The following NSUN3 variants were observed in gnomAD, a reference collection of about 807,000 sequenced individuals.
NSUN3 encodes tRNA (cytosine(34)-C(5))-methyltransferase, mitochondrial.
NSUN3 carries 24 observed loss-of-function variants against 36.8 expected under a neutral mutation model. That is an observed-to-expected ratio of 0.65 (90% CI 0.47 to 0.92). NSUN3 has a LOEUF of 0.92. Ranked by LOEUF, NSUN3 falls within the 40% of genes least tolerant of loss-of-function variation. The probability of loss-of-function intolerance (pLI) is 0.00; values close to 1 mark genes in which losing one functional copy is unlikely to be tolerated. For missense variants in NSUN3, 381 were observed against 392.8 expected, an observed-to-expected ratio of 0.97 and a Z score of 0.25; for synonymous variants, 146 against 145.2, an observed-to-expected ratio of 1.01 and a Z score of -0.04.
intron 5 of NSUN3, among the ~76,000 whole-genome samples, chr3:94,108,000 G>A (rs1442776663): frequency 1.1e-4 from 9 of 82,526 alleles, no homozygotes; most frequent in African/African-American, 3.6e-4. Context: ...TTCAGATAAA[G>A]CCTCTGGCCT....
At chr3:94,097,785 A>G (rs1432210840) in intron 5 of NSUN3, among the ~76,000 whole-genome samples, 2 of 152,086 alleles carry the variant, frequency 1.3e-5, no homozygotes, top group African/African-American at 2.4e-5. Context: ...TGCCTTCTTC[A>G]TATATTATTT....
intron 2 of NSUN3, chr3:94,076,688 A>C: frequency 8.1e-7 from 1 of 1,236,410 alleles, no homozygotes; most frequent in Non-Finnish European, 1.2e-6. Context: ...GTCTCCAGAA[A>C]GATCTGGTTT....
At chr3:94,105,068 T>G (rs1255674114) in intron 5 of NSUN3, among the ~76,000 whole-genome samples, 1 of 152,202 alleles carries the variant, frequency 6.6e-6, no homozygotes, top group Non-Finnish European at 1.5e-5. Flanking sequence ...CATAAATTCT[T>G]CTAGTTTAAA....
chr3:94,092,026 A>G (rs1000277127), intron 3 of NSUN3, among the ~76,000 whole-genome samples: 1 of 152,210 alleles, frequency 6.6e-6, no homozygotes, highest in Non-Finnish European at 1.5e-5. Context: ...AATGAGTGCC[A>G]GGTGACAAGC....
chr3:94,071,220 C>T (rs2107236468), intron 2 of NSUN3, among the ~76,000 whole-genome samples: 1 of 152,150 alleles, frequency 6.6e-6, no homozygotes, highest in African/African-American at 2.4e-5. Context: ...TATTATTGAT[C>T]CCTGAATCCA....
At position 94,066,320 on chromosome 3, in the gene NSUN3, A is replaced by G. The variant is rs1215871400; in HGVS notation, c.122+1774A>G. On this transcript the variant is annotated intron_variant, in intron 2 of 5. Transcript: ENST00000314622. ...ACTAAATTTGCCATAGGCAAAATAAAGGTTTCTCAGCTTAGGAAGTAGTCT... is the reference window on the plus strand; with the variant it reads ...ACTAAATTTGCCATAGGCAAAATAAGGGTTTCTCAGCTTAGGAAGTAGTCT... Among the ~76,000 whole-genome samples the G allele has an allele frequency of 2.0e-5, 3 of 152,336 alleles. No homozygotes were observed. The East Asian group carries it at 5.8e-4, about 29-fold the overall frequency.
rs142968684 is a variant in NSUN3 at position 94,125,312 on chromosome 3, C to T, written c.744-899C>T. ...TATACATTTTTATTTAATAATGAGACAATAAAAGTACTAGAGGTGTATTTT... is the reference window on the plus strand; with the variant it reads ...TATACATTTTTATTTAATAATGAGATAATAAAAGTACTAGAGGTGTATTTT... On this transcript the variant is annotated intron_variant, in intron 5 of 5. Transcript: ENST00000314622. 9.3e-4 allele frequency among the ~76,000 whole-genome samples: 141 copies of T among 152,180 alleles called. 2 individuals carry two copies. In the East Asian group the frequency reaches 0.024, roughly 26 times the overall value.
rs942368259 is a variant in NSUN3 at position 94,129,534 on chromosome 3, A to G, written c.*3044A>G. Among the ~76,000 whole-genome samples the G allele has an allele frequency of 2.0e-5, 3 of 151,988 alleles. No homozygotes were observed. The East Asian group carries it at 5.8e-4, about 29-fold the overall frequency. On this transcript the variant is annotated 3_prime_UTR_variant, in exon 6 of 6. Transcript: ENST00000314622. ...GGGGATGTAGGCTGAAAAACTACCTATTGGGTACTGCACTCACTACCTGGG... is the reference window on the plus strand; with the variant it reads ...GGGGATGTAGGCTGAAAAACTACCTGTTGGGTACTGCACTCACTACCTGGG...
chr3:94,083,468 C>T (rs1205309807), intron 2 of NSUN3, among the ~76,000 whole-genome samples: 1 of 152,114 alleles, frequency 6.6e-6, no homozygotes, highest in Non-Finnish European at 1.5e-5. Context: ...GATGTGGTGG[C>T]CCGCAATCAG....
chr3:94,104,127 C>A (rs1314936949), intron 5 of NSUN3, among the ~76,000 whole-genome samples: 4 of 152,132 alleles, frequency 2.6e-5, no homozygotes, highest in Non-Finnish European at 5.9e-5. Flanking sequence ...CCTAGAGATA[C>A]CACGTATCAA....
At position 94,107,572 on chromosome 3, in the gene NSUN3, C is replaced by T. The variant is rs144679525; in HGVS notation, c.743+12418C>T. 6.2e-3 allele frequency among the ~76,000 whole-genome samples: 942 copies of T among 152,218 alleles called. 12 individuals are homozygous for T. The highest frequency in any genetic ancestry group is 0.022 in the African/African-American group (907 of 41,532). On this transcript the variant is annotated intron_variant, in intron 5 of 5. Transcript: ENST00000314622. The stretch of plus-strand genomic sequence containing the variant: ...AAAGTGCTGGGATTATAGGTGTGAG[C>T]CACCATGCCCGGCTAATTTTTTTTT...
intron 2 of NSUN3, among the ~76,000 whole-genome samples, chr3:94,072,610 C>T (rs959658811): frequency 9.2e-5 from 14 of 151,884 alleles, no homozygotes; most frequent in South Asian, 6.2e-4. Flanking sequence ...GGTTGGGGGC[C>T]GGGCATGTGG....
chr3:94,125,524 G>A (rs1029758373), intron 5 of NSUN3, among the ~76,000 whole-genome samples: 1 of 152,094 alleles, frequency 6.6e-6, no homozygotes, highest in African/African-American at 2.4e-5. Flanking sequence ...TTTTTACCTG[G>A]TTGCCCAAAT....
intron 5 of NSUN3, among the ~76,000 whole-genome samples, chr3:94,098,250 G>A (rs2077351415): frequency 6.6e-6 from 1 of 152,028 alleles, no homozygotes; most frequent in Non-Finnish European, 1.5e-5. Context: ...TGTGTCTCAA[G>A]TTCACCCAAC....
In NSUN3 at chr3:94,126,197, C is replaced by G; in HGVS notation, c.744-14C>G. Reference sequence around the variant, plus strand: ...TACTTAACTAATCTTTTGCATTTTTCTGATTGCACACAGGTCTGCAATTAA... The same window carrying G: ...TACTTAACTAATCTTTTGCATTTTTGTGATTGCACACAGGTCTGCAATTAA... On this transcript the variant is annotated splice_polypyrimidine_tract_variant and intron_variant, in intron 5 of 5. Coordinates refer to ENST00000314622, the MANE Select transcript of NSUN3 (RefSeq NM_022072.5). The G allele has an allele frequency of 6.3e-7, 1 of 1,587,232 alleles. No homozygotes were observed. Among genetic ancestry groups the G allele is most frequent in the Non-Finnish European group, 8.6e-7 (1 of 1,165,868 alleles).
chr3:94,112,339 C>T (rs1158593513), intron 5 of NSUN3, among the ~76,000 whole-genome samples: 1 of 152,212 alleles, frequency 6.6e-6, no homozygotes, highest in Non-Finnish European at 1.5e-5. Flanking sequence ...ACCTTGCCCT[C>T]TGTTACTTGT....
At chr3:94,092,824 G>C (rs1040239313) in intron 3 of NSUN3, among the ~76,000 whole-genome samples, 1 of 147,076 alleles carries the variant, frequency 6.8e-6, no homozygotes, top group African/African-American at 2.5e-5. Context: ...GGAGGCTGAG[G>C]CAGGAGAATC....
intron 2 of NSUN3, among the ~76,000 whole-genome samples, chr3:94,069,652 CATT>C (rs2077217626): frequency 6.6e-6 from 1 of 152,164 alleles, no homozygotes; most frequent in Admixed American, 6.5e-5. Flanking sequence ...AAATAATAAA[CATT>C]ATCGAAATGA....
rs1221510335 is a variant in NSUN3, at chr3:94,076,244, A to ATG, written c.123-7863_123-7862insTG. ...CTGGAATATTTCATCCATGTGACTC[A>ATG]GAGGAATGCAACATAAGTTTCAGAT... On this transcript the variant is annotated intron_variant, in intron 2 of 5. Coordinates refer to ENST00000314622, the MANE Select transcript of NSUN3 (RefSeq NM_022072.5). 9.9e-6 allele frequency: 9 copies of ATG among 912,306 alleles called. No homozygotes were observed. The African/African-American group carries it at 1.3e-4, about 13-fold the overall frequency. The allele number at this position is 912,306 out of a possible 1,614,324, so 56.5% of individuals were successfully genotyped here. A position where few individuals can be genotyped will look rare whatever the true frequency, so the allele number is the denominator to read the frequency against.
Sources: allele counts gnomAD v4.1 joint callset (sites outside exome capture counted in the v4.1 genomes callset), GRCh38; gene constraint gnomAD v4.1.1; transcripts MANE v1.5; gene names NCBI Gene and HGNC (gene_info 2026-07-23, HGNC 2026-07-21).